Variants in CCDC92 observed in about 807,000 individuals in gnomAD.
The protein encoded by CCDC92 is coiled-coil domain containing 92.
In CCDC92, 12 loss-of-function variants were observed where a neutral mutation model predicts 24.9. The observed-to-expected ratio is 0.48, with a 90% CI of 0.31 to 0.78. CCDC92 has a LOEUF of 0.78. Among genes scored for constraint, CCDC92 ranks in the 30% least tolerant of loss-of-function variants. The probability of loss-of-function intolerance (pLI) is 0.05; values close to 1 mark genes in which losing one functional copy is unlikely to be tolerated. For missense variants in CCDC92, 399 were observed against 439.4 expected (o/e 0.91, Z 0.82); for synonymous variants, 193 against 196.3 (o/e 0.98, Z 0.14).
intron 3 of CCDC92, 128 bp downstream of exon 3, chr12:123,943,219 G>A: frequency 2.1e-6 from 2 of 955,148 alleles, no homozygotes; most frequent in South Asian, 1.6e-5. Flanking sequence ...GATGATATAA[G>A]GCATTCAGAT....
At chr12:123,943,063 C>CT (rs765004061) in intron 3 of CCDC92, among the ~76,000 whole-genome samples, 7 of 152,186 alleles carry the variant, frequency 4.6e-5, no homozygotes, top group Admixed American at 1.3e-4. Flanking sequence ...GCAGCTGGCT[C>CT]TATGTATCAC....
In CCDC92 at chr12:123,937,337, A is replaced by G. The variant is rs746259833; in HGVS notation, c.717T>C (p.Ala239=). 2 of 1,613,918 alleles carry G rather than the reference A, an allele frequency of 1.2e-6. No homozygotes were observed. The highest frequency in any genetic ancestry group is 1.7e-6 in the Non-Finnish European group (2 of 1,180,026). Residue 239 remains alanine, a synonymous_variant, in exon 5 of 5, where the codon GCT becomes GCC. Transcript: ENST00000238156. The surrounding 1 kb of genome is among the most constrained non-coding windows in gnomAD (Gnocchi z 8.4). Reference sequence around the variant, plus strand: ...GCAGAAATGGGGTGGGGTCGGGCATAGCATCCACTGGTTCCCGCAAAAGGA... The same window carrying G: ...GCAGAAATGGGGTGGGGTCGGGCATGGCATCCACTGGTTCCCGCAAAAGGA... ...RKLLLREPVD[A]MPDPTPFLLA...
chr12:123,962,109 C>G (rs919460662), intron 1 of CCDC92, among the ~76,000 whole-genome samples: 1 of 152,106 alleles, frequency 6.6e-6, no homozygotes, highest in African/African-American at 2.4e-5. Context: ...CTCTTTCGTG[C>G]CAGATGCTAA....
At chr12:123,944,011 C>T (rs1955770836) in intron 2 of CCDC92, 1 of 514,752 alleles carries the variant, frequency 1.9e-6, no homozygotes, top group African/African-American at 2.0e-5. Context: ...AAAGCTGGCA[C>T]CTGGGAAATG....
At chr12:123,941,859 C>T (rs1482406977) in intron 4 of CCDC92, among the ~76,000 whole-genome samples, 1 of 152,196 alleles carries the variant, frequency 6.6e-6, no homozygotes, top group Non-Finnish European at 1.5e-5. Context: ...GGTCCCATTC[C>T]AGTCAATGGA....
chr12:123,947,144 C>A (rs1955895248), intron 1 of CCDC92, among the ~76,000 whole-genome samples: 1 of 152,214 alleles, frequency 6.6e-6, no homozygotes, highest in Admixed American at 6.5e-5. Flanking sequence ...CCTAGCAGTG[C>A]CAGCCCACCA....
intron 1 of CCDC92, among the ~76,000 whole-genome samples, chr12:123,959,330 T>G (rs1211230429): frequency 1.3e-5 from 2 of 152,290 alleles, no homozygotes; most frequent in East Asian, 1.9e-4. Flanking sequence ...TGCTTTTTTT[T>G]TTGAGATGGA....
chr12:123,953,527 C>T (rs1956077808), intron 1 of CCDC92, among the ~76,000 whole-genome samples: 1 of 152,138 alleles, frequency 6.6e-6, no homozygotes, highest in African/African-American at 2.4e-5. Flanking sequence ...GCCTGTAATC[C>T]CAGCACTTTG....
chr12:123,955,473 G>C (rs569282525), intron 1 of CCDC92, among the ~76,000 whole-genome samples: 3 of 152,304 alleles, frequency 2.0e-5, no homozygotes, highest in African/African-American at 7.2e-5. Context: ...CAAGGTCCTA[G>C]GCCAAGGAGA....
At chr12:123,967,999 A>G (rs1034865819) in intron 1 of CCDC92, 1 of 152,266 alleles carries the variant, frequency 6.6e-6, no homozygotes, top group Non-Finnish European at 1.5e-5. Context: ...AGGCAACAAA[A>G]AGAAAATTTG....
At chr12:123,958,759 C>G (rs925699303) in intron 1 of CCDC92, among the ~76,000 whole-genome samples, 1 of 152,272 alleles carries the variant, frequency 6.6e-6, no homozygotes, top group South Asian at 2.1e-4. Flanking sequence ...GGAACTGAGG[C>G]GTAGAGAGCT....
intron 4 of CCDC92, among the ~76,000 whole-genome samples, chr12:123,941,224 T>G (rs1955674229): frequency 6.6e-6 from 1 of 152,174 alleles, no homozygotes; most frequent in African/African-American, 2.4e-5. Flanking sequence ...AGTGTCAGGC[T>G]GAAATCCTGT....
At chr12:123,967,144 G>A (rs563755041) in intron 1 of CCDC92, among the ~76,000 whole-genome samples, 1 of 152,104 alleles carries the variant, frequency 6.6e-6, no homozygotes, top group East Asian at 1.9e-4. Context: ...AGAGGCTGAG[G>A]AGGATTACAC....
intron 1 of CCDC92, among the ~76,000 whole-genome samples, chr12:123,955,431 T>C (rs1050494416): frequency 1.3e-5 from 2 of 152,224 alleles, no homozygotes; most frequent in Non-Finnish European, 2.9e-5. Flanking sequence ...AGGAAATACT[T>C]AATCTTAGCG....
chr12:123,957,699 CTTTTTTTTTTTT>C (rs59738995), intron 1 of CCDC92, among the ~76,000 whole-genome samples: 9 of 75,898 alleles, frequency 1.2e-4, no homozygotes, highest in African/African-American at 4.5e-4. Context: ...TTTTTTCCTT[CTTTTTTTTTTTT>C]TTTTTTTTTT....
chr12:123,969,283 C>G (rs1341998685), intron 1 of CCDC92, among the ~76,000 whole-genome samples: 1 of 152,090 alleles, frequency 6.6e-6, no homozygotes, highest in East Asian at 1.9e-4. Context: ...TTACCTTCAG[C>G]TGCCAGCATA....
intron 1 of CCDC92, among the ~76,000 whole-genome samples, chr12:123,947,326 C>T (rs1337210617): frequency 6.6e-6 from 1 of 152,180 alleles, no homozygotes; most frequent in Non-Finnish European, 1.5e-5. Context: ...CATCGACCAC[C>T]CAAGGGCTGA....
Position 123,972,610 on chromosome 12 carries a change from G to C in CCDC92, c.-141C>G, listed in dbSNP as rs1489829338. The C allele has an allele frequency of 6.7e-6, 1 of 149,868 alleles. No homozygotes were observed. Among genetic ancestry groups the C allele is most frequent in the East Asian group, 2.0e-4 (1 of 5,112 alleles). 9.3% of individuals were successfully genotyped at this position (149,868 alleles called of 1,614,324 possible). On this transcript the variant is annotated 5_prime_UTR_variant, in exon 1 of 5. Transcript: ENST00000238156. ...CCGGCGGGCGGCGGTGGGGGCCCGT[G>C]GCCCATGGGCTGGGCGGGGCGCGGC...
chr12:123,957,952 G>A (rs1956189787), intron 1 of CCDC92, among the ~76,000 whole-genome samples: 1 of 151,974 alleles, frequency 6.6e-6, no homozygotes, highest in African/African-American at 2.4e-5. Flanking sequence ...GCCCACCTCG[G>A]CCTCTGAAAG....
Sources: gnomAD v4.1 joint callset for allele counts (sites outside exome capture counted in the v4.1 genomes callset) on GRCh38, gnomAD v4.1.1 for gene constraint, Gnocchi (gnomAD v3.1) non-coding constraint, MANE v1.5 for transcripts, NCBI Gene and HGNC (gene_info 2026-07-23, HGNC 2026-07-21) for gene names.